Variants in GIPC3 observed in about 807,000 individuals in gnomAD.
GIPC3 encodes the protein GIPC PDZ domain containing family member 3, also known as PDZ domain-containing protein GIPC3.
A neutral mutation model predicts 27.3 loss-of-function variants in GIPC3; 16 were observed. The ratio of observed to expected loss-of-function variants is 0.59; its 90% CI spans 0.40 to 0.89. The LOEUF is 0.89. Among genes scored for constraint, GIPC3 ranks in the 40% least tolerant of loss-of-function variants. The pLI is 0.00. For synonymous variants in GIPC3, 194 were observed against 184.6 expected (o/e 1.05, Z -0.41); for missense variants, 440 against 442.1 (o/e 1.00, Z 0.04).
chr19:3,589,342 G>A (rs1467679613), intron 3 of GIPC3, 101 bp from the exon 4 acceptor site: 1 of 838,770 alleles, frequency 1.2e-6, no homozygotes, highest in African/African-American at 1.7e-5. Context: ...ACTTTGAAGG[G>A]GAGGAAGATT....
Position 3,590,205 on chromosome 19 carries a change from G to C in GIPC3, c.*15G>C, listed in dbSNP as rs368944411. 1.3e-6 allele frequency: 2 copies of C among 1,574,530 alleles called. No homozygotes were observed. The highest frequency in any genetic ancestry group is 1.7e-6 in the Non-Finnish European group (2 of 1,161,012). On this transcript the variant is annotated 3_prime_UTR_variant, in exon 6 of 6. Coordinates refer to ENST00000644452, the MANE Select transcript of GIPC3 (RefSeq NM_133261.3). ...CCTGTGGCTAGTTTGCCCTGGGGGG[G>C]CCCAGCACAGCCCCAGCCCGGAGCC...
intron 2 of GIPC3, 47 bp downstream of exon 2, chr19:3,586,727 GC>G (rs531054314): frequency 1.9e-5 from 31 of 1,593,802 alleles, no homozygotes; most frequent in East Asian, 1.3e-4. Context: ...TCCAGCAACT[GC>G]CCCCCCCACT....
chr19:3,592,953 ACCCCAGCCCCTAGCAAAGAC>A lies in GIPC3; in HGVS notation c.*2772_*2791del. The A allele has an allele frequency of 3.8e-6, 1 of 265,794 alleles. No individual in the cohort carries two copies. Among genetic ancestry groups the A allele is most frequent in the African/African-American group, 1.3e-4 (1 of 7,876 alleles). The allele number at this position is 265,794 out of a possible 1,614,324, so 16.5% of individuals were successfully genotyped here. On this transcript the variant is annotated 3_prime_UTR_variant, in exon 6 of 6. Transcript: ENST00000644452. Reference sequence around the variant, plus strand: ...CCCAGGCCCATCCCCCAGAGACCCCACCCCAGCCCCTAGCAAAGACCCCCAGCCTCTGCCTCAGCCCCATG... The same window carrying A: ...CCCAGGCCCATCCCCCAGAGACCCCACCCCAGCCTCTGCCTCAGCCCCATG...
At position 3,593,255 on chromosome 19, in the gene GIPC3, G is replaced by A. The variant is rs981112076; in HGVS notation, c.*3065G>A. On this transcript the variant is annotated 3_prime_UTR_variant, in exon 6 of 6. Transcript: ENST00000644452. Reference sequence around the variant, plus strand: ...CAGCCCTTTGCCCCACTCTGGGGGAGCCAGGAGCCCGCCCTTACCGCGGGG... The same window carrying A: ...CAGCCCTTTGCCCCACTCTGGGGGAACCAGGAGCCCGCCCTTACCGCGGGG... The A allele has an allele frequency of 2.4e-6, 3 of 1,232,740 alleles. No individual in the cohort carries two copies. The highest frequency in any genetic ancestry group is 3.0e-6 in the Non-Finnish European group (3 of 988,436). 76.4% of individuals were successfully genotyped at this position (1,232,740 alleles called of 1,614,324 possible). A position where few individuals can be genotyped will look rare whatever the true frequency, so the allele number is the denominator to read the frequency against.
intron 3 of GIPC3, among the ~76,000 whole-genome samples, chr19:3,588,464 G>A (rs867829421): frequency 7.2e-5 from 11 of 152,004 alleles, no homozygotes; most frequent in African/African-American, 2.2e-4. Context: ...ATGGAGAGAC[G>A]TCCCAGGGAG....
chr19:3,592,049 A>G lies in GIPC3; in HGVS notation c.*1859A>G. On this transcript the variant is annotated 3_prime_UTR_variant, in exon 6 of 6. Transcript: ENST00000644452. ...TCCCAGCCAGCTCCAAAACACAGAC[A>G]GCAGCTGAGACCCAGCCAAGTTCCA... 1 of 1,232,128 alleles carries G rather than the reference A, an allele frequency of 8.1e-7. No homozygotes were observed. Among genetic ancestry groups the G allele is most frequent in the East Asian group, 3.2e-5 (1 of 31,698 alleles). 76.3% of individuals were successfully genotyped at this position (1,232,128 alleles called of 1,614,324 possible).
rs934926891 is a variant in GIPC3, at chr19:3,592,415, G to A, written c.*2225G>A. On this transcript the variant is annotated 3_prime_UTR_variant, in exon 6 of 6. Transcript: ENST00000644452. ...CCAGCTCTGGAAGTCAGCTTAGTTCGGGAACCCAGCTGATTTCCGGAGCCC... is the reference window on the plus strand; with the variant it reads ...CCAGCTCTGGAAGTCAGCTTAGTTCAGGAACCCAGCTGATTTCCGGAGCCC... The A allele has an allele frequency of 4.1e-6, 5 of 1,231,534 alleles. No homozygotes were observed. The highest frequency in any genetic ancestry group is 6.3e-5 in the East Asian group (2 of 31,688). 76.3% of individuals were successfully genotyped at this position (1,231,534 alleles called of 1,614,324 possible).
In GIPC3 at chr19:3,586,812, A is replaced by C; in HGVS notation, c.412-2A>C. 1 of 1,613,522 alleles carries C rather than the reference A, an allele frequency of 6.2e-7. No individual in the cohort carries two copies. The highest frequency in any genetic ancestry group is 2.2e-5 in the East Asian group (1 of 44,868). On this transcript the variant is annotated splice_acceptor_variant, in intron 2 of 5. Transcript: ENST00000644452. LOFTEE classifies it high-confidence loss of function. ...CCTGCCAGCGACGCTGGATCCCTGCAGAGAATCAAGGAAGGCAGTATCATC... is the reference window on the plus strand; with the variant it reads ...CCTGCCAGCGACGCTGGATCCCTGCCGAGAATCAAGGAAGGCAGTATCATC...
chr19:3,591,398 G>C lies in GIPC3; in HGVS notation c.*1208G>C. 8.1e-7 allele frequency: 1 copy of C among 1,232,342 alleles called. No homozygotes were observed. The allele number at this position is 1,232,342 out of a possible 1,614,324, so 76.3% of individuals were successfully genotyped here. On this transcript the variant is annotated 3_prime_UTR_variant, in exon 6 of 6. Transcript: ENST00000644452. Reference sequence around the variant, plus strand: ...AGACCAATCCCAGTTCCAGAATCCAGGCTAGCTCGGAGACCAAGCCCTGCT... The same window carrying C: ...AGACCAATCCCAGTTCCAGAATCCACGCTAGCTCGGAGACCAAGCCCTGCT...
chr19:3,592,708 C>G lies in GIPC3; in HGVS notation c.*2518C>G. ...TCCAGAACCCAGTCCAGCTCTGAGA[C>G]CGGGCTCAGCTCTGAAACCCAGACC... On this transcript the variant is annotated 3_prime_UTR_variant, in exon 6 of 6. Transcript: ENST00000644452. The G allele has an allele frequency of 8.1e-7, 1 of 1,230,374 alleles. No individual in the cohort carries two copies. The highest frequency in any genetic ancestry group is 1.0e-6 in the Non-Finnish European group (1 of 986,726). The allele number at this position is 1,230,374 out of a possible 1,614,324, so 76.2% of individuals were successfully genotyped here.
At position 3,592,214 on chromosome 19, in the gene GIPC3, C is replaced by G. The variant is rs1348815421; in HGVS notation, c.*2024C>G. ...AGCGCTGCCCAGGAGCTCGACCAGC[C>G]TCTGGGACTCAATTCGCCTCTAAAA... On this transcript the variant is annotated 3_prime_UTR_variant, in exon 6 of 6. Transcript: ENST00000644452. 1 of 1,232,166 alleles carries G rather than the reference C, an allele frequency of 8.1e-7. No individual in the cohort carries two copies. The highest frequency in any genetic ancestry group is 4.2e-5 in the Admixed American group (1 of 23,688). The allele number at this position is 1,232,166 out of a possible 1,614,324, so 76.3% of individuals were successfully genotyped here.
At position 3,593,494 on chromosome 19, in the gene GIPC3, A is replaced by G. The variant is rs903205229; in HGVS notation, c.*3304A>G. The G allele has an allele frequency of 4.6e-5, 19 of 413,854 alleles. No individual in the cohort carries two copies. Among genetic ancestry groups the G allele is most frequent in the Non-Finnish European group, 7.0e-5 (17 of 241,400 alleles). The allele number at this position is 413,854 out of a possible 1,614,324, so 25.6% of individuals were successfully genotyped here. On this transcript the variant is annotated 3_prime_UTR_variant, in exon 6 of 6. Transcript: ENST00000644452. ...GAGGGCAGGAGACGGGTTGCACCGC[A>G]TGTACCCTGAGGGCTCATGGTGAAT...
At chr19:3,586,727 GCCCC>G in intron 2 of GIPC3, 47 bp downstream of exon 2, 1 of 1,593,962 alleles carries the variant, frequency 6.3e-7, no homozygotes, top group Non-Finnish European at 8.6e-7. Context: ...TCCAGCAACT[GCCCC>G]CCCCACTCTG....
rs759156541 is a variant in GIPC3 at position 3,589,940 on chromosome 19, C to T, written c.787+28C>T. The T allele has an allele frequency of 6.2e-6, 10 of 1,613,440 alleles. 1 individual carries two copies. Among genetic ancestry groups the T allele is most frequent in the African/African-American group, 2.7e-5 (2 of 74,920 alleles). ...AAGGGGCCAGGGTAAGCCAGGGGGC[C>T]CTGGGGGGAGGGAAGCCTACGGGAG... On this transcript the variant is annotated intron_variant, in intron 5 of 5. Transcript: ENST00000644452.
rs755756176 is a variant in GIPC3 at position 3,591,868 on chromosome 19, C to G, written c.*1678C>G. 3.1e-5 allele frequency: 38 copies of G among 1,232,788 alleles called. No homozygotes were observed. The highest frequency in any genetic ancestry group is 2.5e-4 in the Admixed American group (6 of 23,678). 76.4% of individuals were successfully genotyped at this position (1,232,788 alleles called of 1,614,324 possible). ...ACACAGCTTGGTGCCAAGCCCCACT[C>G]TCCTTGCACAATGCAGCTCAGCTCT... On this transcript the variant is annotated 3_prime_UTR_variant, in exon 6 of 6. Coordinates refer to ENST00000644452, the MANE Select transcript of GIPC3 (RefSeq NM_133261.3).
Position 3,593,488 on chromosome 19 carries a change from C to T in GIPC3, c.*3298C>T. ...GAAAAGGAGGGCAGGAGACGGGTTG[C>T]ACCGCATGTACCCTGAGGGCTCATG... is the stretch of plus-strand genomic sequence containing the variant. On this transcript the variant is annotated 3_prime_UTR_variant, in exon 6 of 6. Coordinates refer to ENST00000644452, the MANE Select transcript of GIPC3 (RefSeq NM_133261.3). The T allele has an allele frequency of 7.1e-6, 3 of 421,696 alleles. No individual in the cohort carries two copies. Among genetic ancestry groups the T allele is most frequent in the Non-Finnish European group, 8.1e-6 (2 of 248,268 alleles). The allele number at this position is 421,696 out of a possible 1,614,324, so 26.1% of individuals were successfully genotyped here.
rs8113232 is a variant in GIPC3, at chr19:3,586,545, G to A, written c.276G>A (p.Leu92=). 229,785 of 1,613,494 alleles carry A rather than the reference G, an allele frequency of 0.14. 23,097 individuals are homozygous for A. The highest frequency in any genetic ancestry group is 0.53 in the African/African-American group (39,536 of 74,898). ...NSHKVDMQKL[L]GGQIGLEDFI... is the part of the protein sequence containing the mutation. ...ACAAAGTGGACATGCAGAAGCTCCTGGGGGGTCAGATAGGCCTGGAGGACT... is the reference window on the plus strand; with the variant it reads ...ACAAAGTGGACATGCAGAAGCTCCTAGGGGGTCAGATAGGCCTGGAGGACT... Residue 92 remains leucine, a synonymous_variant, in exon 2 of 6, where the codon CTG becomes CTA. Coordinates refer to ENST00000644452, the MANE Select transcript of GIPC3 (RefSeq NM_133261.3).
chr19:3,587,674 C>CTTTCTTTTTTTCTTTTCT (rs2032398698), intron 3 of GIPC3, among the ~76,000 whole-genome samples: 1 of 114,868 alleles, frequency 8.7e-6, no homozygotes, highest in South Asian at 2.5e-4. Flanking sequence ...TTTTTTTTTC[C>CTTTCTTTTTTTCTTTTCT]TTTCTTTTTT....
Position 3,593,484 on chromosome 19 carries a change from G to C in GIPC3, c.*3294G>C. 1 of 429,922 alleles carries C rather than the reference G, an allele frequency of 2.3e-6. No homozygotes were observed. Among genetic ancestry groups the C allele is most frequent in the Non-Finnish European group, 3.9e-6 (1 of 255,670 alleles). The allele number at this position is 429,922 out of a possible 1,614,324, so 26.6% of individuals were successfully genotyped here. A position where few individuals can be genotyped will look rare whatever the true frequency, so the allele number is the denominator to read the frequency against. On this transcript the variant is annotated 3_prime_UTR_variant, in exon 6 of 6. Coordinates refer to ENST00000644452, the MANE Select transcript of GIPC3 (RefSeq NM_133261.3). ...GAGGGAAAAGGAGGGCAGGAGACGGGTTGCACCGCATGTACCCTGAGGGCT... is the reference window on the plus strand; with the variant it reads ...GAGGGAAAAGGAGGGCAGGAGACGGCTTGCACCGCATGTACCCTGAGGGCT...
Sources: gnomAD v4.1 joint callset for allele counts (sites outside exome capture counted in the v4.1 genomes callset) on GRCh38, gnomAD v4.1.1 for gene constraint, MANE v1.5 for transcripts, NCBI Gene and HGNC (gene_info 2026-07-23, HGNC 2026-07-21) for gene names.